Variants in PCDHGA3 observed in about 807,000 individuals in gnomAD.
PCDHGA3 encodes protocadherin gamma subfamily A, 3, also known as protocadherin gamma-A3.
In PCDHGA3, 40 loss-of-function variants were observed where a neutral mutation model predicts 58.5. The observed-to-expected ratio is 0.68, with a 90% CI of 0.53 to 0.89. The LOEUF is 0.89. Among genes scored for constraint, PCDHGA3 ranks in the 40% least tolerant of loss-of-function variants. PCDHGA3 has a pLI of 0.00. For missense variants in PCDHGA3, 1,223 were observed against 1,195.9 expected (o/e 1.02, Z -0.33); for synonymous variants, 530 against 525.7 (o/e 1.01, Z -0.11).
chr5:141,480,429 T>C (rs72790066), intron 1 of PCDHGA3, among the ~76,000 whole-genome samples: 4 of 151,864 alleles, frequency 2.6e-5, no homozygotes, highest in African/African-American at 9.7e-5. Flanking sequence ...AAAAAAATTA[T>C]CAGCTATTAC....
intron 1 of PCDHGA3, among the ~76,000 whole-genome samples, chr5:141,465,592 A>G (rs1485357197): frequency 6.6e-6 from 1 of 152,046 alleles, no homozygotes; most frequent in Non-Finnish European, 1.5e-5. Flanking sequence ...TAATAATCAG[A>G]TCTTATCACT....
In PCDHGA3 at chr5:141,490,462, ACCAG is replaced by A; in HGVS notation, c.2425-4338_2425-4335del. On this transcript the variant is annotated intron_variant, in intron 1 of 3. Coordinates refer to ENST00000253812, the MANE Select transcript of PCDHGA3 (RefSeq NM_018916.4). The surrounding 1 kb of genome is among the most constrained non-coding windows in gnomAD (Gnocchi z 5.4). ...TTCTGAGAACCACTACTCGCTGCTA[ACCAG>A]CCAGCCTTTGGACCGGGAGGCCACA... 1 of 1,614,198 alleles carries A rather than the reference ACCAG, an allele frequency of 6.2e-7. No homozygotes were observed.
chr5:141,445,537 G>A (rs1266179512), intron 1 of PCDHGA3, among the ~76,000 whole-genome samples: 1 of 152,182 alleles, frequency 6.6e-6, no homozygotes, highest in African/African-American at 2.4e-5. Flanking sequence ...AAGCCAACAA[G>A]GAGAAATACA....
At chr5:141,399,564 G>C (rs1284243936) in intron 1 of PCDHGA3, 3 of 1,614,038 alleles carry the variant, frequency 1.9e-6, no homozygotes, top group East Asian at 4.5e-5. Flanking sequence ...ACTTGGGGTT[G>C]AACGGCCAAG....
At position 141,491,111 on chromosome 5, in the gene PCDHGA3, A is replaced by G; in HGVS notation, c.2425-3696A>G. 1 of 1,614,162 alleles carries G rather than the reference A, an allele frequency of 6.2e-7. No individual in the cohort carries two copies. Among genetic ancestry groups the G allele is most frequent in the Non-Finnish European group, 8.5e-7 (1 of 1,180,026 alleles). Reference sequence around the variant, plus strand: ...CCAGGACTGTTCCTCGTGTCTACACACACTGGTGAGGTGCGCACAGCCCGG... The same window carrying G: ...CCAGGACTGTTCCTCGTGTCTACACGCACTGGTGAGGTGCGCACAGCCCGG... On this transcript the variant is annotated intron_variant, in intron 1 of 3. Transcript: ENST00000253812. This position sits in a 1 kb window ranked among gnomAD's most constrained non-coding sequence, Gnocchi z 6.9.
chr5:141,362,025 T>A (rs1199168452), intron 1 of PCDHGA3: 3 of 1,608,318 alleles, frequency 1.9e-6, no homozygotes, highest in Admixed American at 3.3e-5. Flanking sequence ...GCACAGCGCG[T>A]GCCTTGGGCG....
At chr5:141,387,557 G>A in intron 1 of PCDHGA3, 1 of 416,144 alleles carries the variant, frequency 2.4e-6, no homozygotes. Flanking sequence ...TTTCAGTTAG[G>A]CACACAATTA....
intron 1 of PCDHGA3, among the ~76,000 whole-genome samples, chr5:141,363,114 G>C (rs1762815949): frequency 6.6e-6 from 1 of 152,244 alleles, no homozygotes; most frequent in Non-Finnish European, 1.5e-5. Flanking sequence ...TTTGAGGTCT[G>C]AGGTGTCTGC....
intron 1 of PCDHGA3, chr5:141,399,007 A>G (rs1403288140): frequency 6.2e-7 from 1 of 1,613,948 alleles, no homozygotes. Flanking sequence ...GAATTCAAAG[A>G]GCGGAGAAAT....
At chr5:141,454,666 A>G (rs1561955978) in intron 1 of PCDHGA3, among the ~76,000 whole-genome samples, 1 of 152,104 alleles carries the variant, frequency 6.6e-6, no homozygotes, top group Non-Finnish European at 1.5e-5. Context: ...TCGGCCTCCC[A>G]AAACACTGGG....
rs190449546 is a variant in PCDHGA3, at chr5:141,371,792, G to T, written c.2424+25335G>T. ...CCGTGCATGTAGCTGAGAACAATCC[G>T]CCTGGAGCCTCCATTGCGCATGTCA... On this transcript the variant is annotated intron_variant, in intron 1 of 3. Transcript: ENST00000253812. The T allele has an allele frequency of 2.8e-4, 458 of 1,613,872 alleles. 2 individuals are homozygous for T. In the African/African-American group the frequency reaches 4.6e-3, roughly 16 times the overall value.
chr5:141,414,992 C>T, intron 1 of PCDHGA3: 2 of 1,613,770 alleles, frequency 1.2e-6, no homozygotes, highest in Non-Finnish European at 1.7e-6. Flanking sequence ...GGCCAGAACG[C>T]CTGGCTGTCC....
chr5:141,492,224 T>C (rs2099738444), intron 1 of PCDHGA3, among the ~76,000 whole-genome samples: 1 of 152,134 alleles, frequency 6.6e-6, no homozygotes, highest in South Asian at 2.1e-4. Flanking sequence ...CTCATGCGTG[T>C]CCTCCCTGCT....
chr5:141,505,413 C>T lies in PCDHGA3; in HGVS notation c.2504C>T (p.Thr835Ile), dbSNP rs1240988786. ...CCCAGCTCCCAAAATGGCGATGACA[C>T]CGGCACCTGGCCCAACAACCAGTTT... is the stretch of plus-strand genomic sequence containing the variant. ...GTSGSQNGDD[T>I]GTWPNNQFDT... Residue 835 changes from threonine to isoleucine, a missense_variant, in exon 3 of 4, where the codon ACC becomes ATC. By Grantham distance (89) the Thr-to-Ile change is moderately conservative. Around this residue, in one of 3 missense-constraint regions of PCDHGA3, gnomAD observed 325 missense variants for 327.5 expected, o/e 0.99. Coordinates refer to ENST00000253812, the MANE Select transcript of PCDHGA3 (RefSeq NM_018916.4). 10 of 1,614,202 alleles carry T rather than the reference C, an allele frequency of 6.2e-6. No homozygotes were observed. Among genetic ancestry groups the T allele is most frequent in the Non-Finnish European group, 7.6e-6 (9 of 1,180,046 alleles).
At chr5:141,423,745 C>A (rs561499055) in intron 1 of PCDHGA3, 2 of 605,688 alleles carry the variant, frequency 3.3e-6, no homozygotes, top group Non-Finnish European at 4.0e-6. Context: ...GTTATGAAAA[C>A]TGTTTGGGGG....
intron 1 of PCDHGA3, chr5:141,399,866 C>G (rs1312435366): frequency 1.1e-5 from 17 of 1,612,854 alleles, no homozygotes; most frequent in Non-Finnish European, 1.4e-5. Context: ...GCTGCAGAGC[C>G]CGGCTACCTG....
Position 141,477,365 on chromosome 5 carries a change from C to T in PCDHGA3, c.2425-17442C>T, listed in dbSNP as rs754438240. On this transcript the variant is annotated intron_variant, in intron 1 of 3. Transcript: ENST00000253812. The surrounding 1 kb of genome is among the most constrained non-coding windows in gnomAD (Gnocchi z 4.9). ...TTTGAAAACCAGTGCAGACCTGGAT[C>T]GGGAGACTGTGCCAGAATACAACCT... The T allele has an allele frequency of 6.2e-7, 1 of 1,614,156 alleles. No homozygotes were observed. The highest frequency in any genetic ancestry group is 1.7e-5 in the Admixed American group (1 of 60,022).
At chr5:141,421,080 C>CA (rs2096545590) in intron 1 of PCDHGA3, 1 of 638,250 alleles carries the variant, frequency 1.6e-6, no homozygotes, top group East Asian at 2.9e-5. Context: ...GATGGATACT[C>CA]ACAGATCCTG....
At chr5:141,392,719 C>CCG in intron 1 of PCDHGA3, 1 of 1,383,098 alleles carries the variant, frequency 7.2e-7, no homozygotes, top group African/African-American at 1.5e-5. Context: ...TCCAGGTTTC[C>CCG]GGAGGATTGT....
Sources: allele counts gnomAD v4.1 joint callset (sites outside exome capture counted in the v4.1 genomes callset), GRCh38; gene constraint gnomAD v4.1.1; regional missense constraint gnomAD v4.1.1; non-coding constraint Gnocchi (gnomAD v3.1); transcripts MANE v1.5; gene names NCBI Gene and HGNC (gene_info 2026-07-23, HGNC 2026-07-21).